The following UTP4 variants were observed in gnomAD, a reference collection of about 807,000 sequenced individuals.
UTP4 encodes the protein U3 small nucleolar RNA-associated protein 4 homolog.
Under a neutral mutation model 82.4 loss-of-function variants are expected in UTP4, and 45 were observed. The ratio of observed to expected loss-of-function variants is 0.55; its 90% confidence interval spans 0.43 to 0.70. The LOEUF (loss-of-function observed/expected upper bound fraction) is 0.70, where lower values mean the gene tolerates loss of function less well. Among genes scored for constraint, UTP4 ranks in the 30% least tolerant of loss-of-function variants. The pLI, the probability that UTP4 is intolerant of heterozygous loss-of-function variation, is 0.00. For synonymous variants in UTP4, 348 were observed against 300.3 expected, an observed-to-expected ratio of 1.16 and a Z score of -1.64; for missense variants, 819 against 858.3, an observed-to-expected ratio of 0.95 and a Z score of 0.57.
intron 13 of UTP4, among the ~76,000 whole-genome samples, chr16:69,162,711 C>G (rs1010538821): frequency 6.0e-5 from 6 of 100,406 alleles, no homozygotes; most frequent in African/African-American, 2.1e-4. Flanking sequence ...AACTCCATCT[C>G]AAAAAAAAAA....
chr16:69,153,552 T>C (rs1296109793), intron 8 of UTP4, 32 bp from the exon 9 acceptor site: 1 of 1,548,948 alleles, frequency 6.5e-7, no homozygotes, highest in Non-Finnish European at 8.9e-7. Flanking sequence ...GACCCTGACT[T>C]ATTTTTTTAA....
chr16:69,156,223 T>C (rs1597147914), intron 11 of UTP4, among the ~76,000 whole-genome samples: 1 of 149,536 alleles, frequency 6.7e-6, no homozygotes, highest in East Asian at 2.0e-4. Flanking sequence ...GGCACAGTCT[T>C]GGCCCACTGC....
At chr16:69,162,083 T>C (rs1963577384) in intron 13 of UTP4, among the ~76,000 whole-genome samples, 3 of 151,858 alleles carry the variant, frequency 2.0e-5, no homozygotes, top group Admixed American at 2.0e-4. Context: ...TTCTCCTGCC[T>C]CACCCTCCTG....
At chr16:69,149,479 C>T (rs1232744426) in intron 6 of UTP4, among the ~76,000 whole-genome samples, 4 of 151,404 alleles carry the variant, frequency 2.6e-5, no homozygotes, top group African/African-American at 7.3e-5. Flanking sequence ...GAACCCGGGA[C>T]GGCAGAGGTT....
intron 15 of UTP4, 52 bp downstream of exon 15, chr16:69,165,578 A>G: frequency 2.0e-6 from 3 of 1,470,410 alleles, no homozygotes; most frequent in Non-Finnish European, 2.8e-6. Context: ...TTAAAGTTCT[A>G]AAAGCAACAA....
chr16:69,163,884 G>GTTTTTTT (rs1216606701), intron 14 of UTP4, among the ~76,000 whole-genome samples: 2 of 126,246 alleles, frequency 1.6e-5, no homozygotes, highest in Non-Finnish European at 3.3e-5. Context: ...TGGTCAGTTT[G>GTTTTTTT]TTTTTTTTTT....
chr16:69,165,800 G>GCAAATCTTACACAGAATCTTA lies in UTP4; in HGVS notation c.1833+276_1833+277insAATCTTACACAGAATCTTACA, dbSNP rs1963688212. ...GACTATTTGTCTACTTTGCGAGTAA[G>GCAAATCTTACACAGAATCTTA]CACATAAATCTTACACAGAAAAGTG... On this transcript the variant is annotated intron_variant, in intron 15 of 16. Transcript: ENST00000314423. 6 of 562,786 alleles carry GCAAATCTTACACAGAATCTTA rather than the reference G, an allele frequency of 1.1e-5. No individual in the cohort carries two copies. In the East Asian group the frequency reaches 1.8e-4, roughly 17 times the overall value. 34.9% of individuals were successfully genotyped at this position (562,786 alleles called of 1,614,324 possible).
At chr16:69,163,711 A>ATATATTAGGAAGTTATCAATAAT (rs1228673094) in intron 14 of UTP4, among the ~76,000 whole-genome samples, 2 of 151,850 alleles carry the variant, frequency 1.3e-5, no homozygotes, top group Non-Finnish European at 2.9e-5. Flanking sequence ...GGGCTGCGGA[A>ATATATTAGGAAGTTATCAATAAT]TATATTAGGA....
chr16:69,141,186 T>G (rs746401878), intron 5 of UTP4, among the ~76,000 whole-genome samples: 1 of 152,244 alleles, frequency 6.6e-6, no homozygotes, highest in Non-Finnish European at 1.5e-5. Flanking sequence ...CCCATCTGGC[T>G]TAGCCACTCT....
chr16:69,154,831 C>T (rs770008069), intron 10 of UTP4, among the ~76,000 whole-genome samples: 5 of 152,006 alleles, frequency 3.3e-5, no homozygotes, highest in East Asian at 3.9e-4. Context: ...TGGGTTCAAG[C>T]GATTCTCCTG....
At chr16:69,151,412 C>T (rs1025260571) in intron 8 of UTP4, among the ~76,000 whole-genome samples, 3 of 150,216 alleles carry the variant, frequency 2.0e-5, no homozygotes, top group Non-Finnish European at 4.4e-5. Flanking sequence ...AGCTCCGCCT[C>T]CCAGGTTCAT....
rs773774918 is a variant in UTP4 at position 69,167,057 on chromosome 16, G to A, written c.1834-18G>A. 17 of 1,548,196 alleles carry A rather than the reference G, an allele frequency of 1.1e-5. No individual in the cohort carries two copies. In the Admixed American group the frequency reaches 2.3e-4, roughly 21 times the overall value. On this transcript the variant is annotated intron_variant, in intron 15 of 16. Coordinates refer to ENST00000314423, the MANE Select transcript of UTP4 (RefSeq NM_032830.3). ...CAATAAAAGTAACCATTTAAACAAT[G>A]TGTCTTTGTTTTTTTAGCCCCTTCC...
chr16:69,164,514 A>G (rs1333956644), intron 14 of UTP4, among the ~76,000 whole-genome samples: 3 of 150,848 alleles, frequency 2.0e-5, no homozygotes, highest in African/African-American at 7.3e-5. Context: ...TTTGGAGGAC[A>G]TGTTGGCAAT....
At chr16:69,160,233 G>T in intron 12 of UTP4, 123 bp from the exon 13 acceptor site, 1 of 808,978 alleles carries the variant, frequency 1.2e-6, no homozygotes, top group Non-Finnish European at 2.2e-6. Context: ...ACAGTGATCA[G>T]CAAATTATCC....
At position 69,155,910 on chromosome 16, in the gene UTP4, G is replaced by A; in HGVS notation, c.1204G>A (p.Gly402Arg). ...NIICSCISPCGSWIAYSTVSR... is the reference protein window; with the variant it reads ...NIICSCISPCRSWIAYSTVSR... ...TATCTGTAGCTGTATCTCCCCATGT[G>A]GAAGTTGGATAGCCTATTCTACAGT... The change falls in exon 11 of 17, where the codon GGA becomes AGA. Residue 402 changes from glycine to arginine, a missense_variant. Coordinates refer to ENST00000314423, the MANE Select transcript of UTP4 (RefSeq NM_032830.3). 1 of 1,613,780 alleles carries A rather than the reference G, an allele frequency of 6.2e-7. No homozygotes were observed. The highest frequency in any genetic ancestry group is 8.5e-7 in the Non-Finnish European group (1 of 1,179,790).
At chr16:69,135,765 G>A (rs776322464) in intron 2 of UTP4, among the ~76,000 whole-genome samples, 6 of 152,020 alleles carry the variant, frequency 3.9e-5, no homozygotes, top group Non-Finnish European at 7.4e-5. Context: ...CTCACTCATG[G>A]CTGTAATCCC....
rs1962827775 is a variant in UTP4, at chr16:69,136,877, C to T, written c.341C>T (p.Ser114Phe). The change falls in exon 3 of 17, where the codon TCT (serine) becomes TTT (phenylalanine). Residue 114 changes from serine (S) to phenylalanine (F), a missense_variant. Transcript: ENST00000314423. Reference sequence around the variant, plus strand: ...AGCATGGCTGCCAGCCCCAGTGGCTCTCAACTTTTGGTTAGTAAGCAACTA... The same window carrying T: ...AGCATGGCTGCCAGCCCCAGTGGCTTTCAACTTTTGGTTAGTAAGCAACTA... ...IWSMAASPSGSQLLVGCEDGS... is the reference protein window; with the variant it reads ...IWSMAASPSGFQLLVGCEDGS... 1 of 1,613,974 alleles carries T rather than the reference C, an allele frequency of 6.2e-7. No individual in the cohort carries two copies. The highest frequency in any genetic ancestry group is 1.7e-5 in the Admixed American group (1 of 59,994).
chr16:69,163,884 GTTT>G (rs1216606701), intron 14 of UTP4, among the ~76,000 whole-genome samples: 1 of 126,244 alleles, frequency 7.9e-6, no homozygotes, highest in Non-Finnish European at 1.7e-5. Flanking sequence ...TGGTCAGTTT[GTTT>G]TTTTTTTTTT....
In UTP4 at chr16:69,153,659, C is replaced by A. The variant is rs188746466; in HGVS notation, c.1078C>A (p.Leu360Met). The A allele has an allele frequency of 6.2e-7, 1 of 1,612,874 alleles. No individual in the cohort carries two copies. The highest frequency in any genetic ancestry group is 1.3e-5 in the African/African-American group (1 of 75,006). ...QFAHHLELWR[L>M]GSTVATGKNG... ...TGCTCATCACTTAGAACTTTGGCGA[C>A]TGGGATCCACAGTTGCAACAGGTAA... Residue 360 changes from leucine to methionine, a missense_variant, in exon 9 of 17, where the codon CTG becomes ATG. Leu to Met is a conservative substitution (Grantham distance 15). Transcript: ENST00000314423.
Sources: gnomAD v4.1 joint callset for allele counts (sites outside exome capture counted in the v4.1 genomes callset) on GRCh38, gnomAD v4.1.1 for gene constraint, MANE v1.5 for transcripts, NCBI Gene and HGNC (gene_info 2026-07-23, HGNC 2026-07-21) for gene names.